Variants in TRRAP observed in about 807,000 individuals in gnomAD.
TRRAP encodes transformation/transcription domain associated protein.
TRRAP carries 41 observed loss-of-function variants against 438.8 expected under a neutral mutation model. The observed-to-expected ratio is 0.09, with a 90% CI of 0.07 to 0.12. The LOEUF is 0.12. Among genes scored for constraint, TRRAP ranks in the 10% least tolerant of loss-of-function variants. TRRAP has a pLI of 1.00. For missense variants in TRRAP, 3,122 were observed against 5,055.1 expected (o/e 0.62, Z 11.60); for synonymous variants, 1,994 against 1,962.9 (o/e 1.02, Z -0.42).
chr7:98,882,645 G>A (rs912410477), intron 3 of TRRAP, among the ~76,000 whole-genome samples: 11 of 151,420 alleles, frequency 7.3e-5, no homozygotes, highest in African/African-American at 2.4e-4. Context: ...TTACAGGCGT[G>A]AGCCACCTCA....
chr7:98,958,129 G>A (rs535584418), intron 44 of TRRAP, 38 bp downstream of exon 44: 1 of 1,571,394 alleles, frequency 6.4e-7, no homozygotes, highest in African/African-American at 1.4e-5. Flanking sequence ...GGCTTCTGCA[G>A]ACCAGAGGCT....
At chr7:98,918,110 G>C (rs1789599628) in intron 20 of TRRAP, among the ~76,000 whole-genome samples, 1 of 138,360 alleles carries the variant, frequency 7.2e-6, no homozygotes, top group African/African-American at 3.1e-5. Context: ...GACAAAATCA[G>C]ACCCTGTCTC....
intron 31 of TRRAP, among the ~76,000 whole-genome samples, chr7:98,944,010 G>A (rs1554416251): frequency 6.6e-6 from 1 of 152,152 alleles, no homozygotes; most frequent in Non-Finnish European, 1.5e-5. Context: ...AGCCAAGTAA[G>A]CAAAACTAAA....
chr7:98,934,624 G>A (rs1437351358), intron 27 of TRRAP, among the ~76,000 whole-genome samples: 1 of 152,192 alleles, frequency 6.6e-6, no homozygotes, highest in Non-Finnish European at 1.5e-5. Flanking sequence ...GAAAAGCATG[G>A]ACTCGAGTCC....
intron 25 of TRRAP, among the ~76,000 whole-genome samples, 164 bp from the exon 26 acceptor site, chr7:98,931,241 G>A (rs1325019909): frequency 1.3e-5 from 2 of 152,194 alleles, no homozygotes; most frequent in African/African-American, 2.4e-5. Flanking sequence ...GTGACTTAGG[G>A]ACTAAAGCAC....
At chr7:98,940,797 G>C (rs1790764396) in intron 30 of TRRAP, among the ~76,000 whole-genome samples, 1 of 152,192 alleles carries the variant, frequency 6.6e-6, no homozygotes, top group Non-Finnish European at 1.5e-5. Context: ...CCTGCCTGCT[G>C]TGCTCTGCCA....
intron 58 of TRRAP, among the ~76,000 whole-genome samples, chr7:98,979,651 C>T (rs948199464): frequency 1.3e-5 from 2 of 152,154 alleles, no homozygotes; most frequent in South Asian, 2.1e-4. Context: ...CTCACCTTAA[C>T]GTTCCCTTCT....
intron 67 of TRRAP, among the ~76,000 whole-genome samples, chr7:99,003,943 G>A (rs1290287592): frequency 6.6e-6 from 1 of 152,024 alleles, no homozygotes; most frequent in Non-Finnish European, 1.5e-5. Flanking sequence ...CCTGGTGGCG[G>A]GTGCCTGTAA....
At position 98,981,895 on chromosome 7, in the gene TRRAP, C is replaced by G. The variant is rs771571020; in HGVS notation, c.8761C>G (p.Leu2921Val). The G allele has an allele frequency of 2.5e-6, 4 of 1,610,128 alleles. No individual in the cohort carries two copies. Among genetic ancestry groups the G allele is most frequent in the Non-Finnish European group, 3.4e-6 (4 of 1,179,042 alleles). Reference sequence around the variant, plus strand: ...GCGCCTGGTGGAGATGGCCAGCAGCCTGGCCATCCGCGAGTGGCGGCGGCT... The same window carrying G: ...GCGCCTGGTGGAGATGGCCAGCAGCGTGGCCATCCGCGAGTGGCGGCGGCT... ...IERLVEMASS[L>V]AIREWRRLPH... Residue 2921 changes from leucine (L) to valine (V), a missense_variant, in exon 59 of 73, where the codon CTG becomes GTG. Physicochemically the swap from Leu to Val is conservative, Grantham distance 32 (BLOSUM62 1). Coordinates refer to ENST00000456197, the MANE Select transcript of TRRAP (RefSeq NM_001375524.1).
chr7:98,909,528 C>T (rs1432871806), intron 14 of TRRAP, among the ~76,000 whole-genome samples: 1 of 152,206 alleles, frequency 6.6e-6, no homozygotes, highest in Non-Finnish European at 1.5e-5. Flanking sequence ...AAGCTCTTAG[C>T]ACACTTCCTG....
At chr7:98,892,644 C>G in intron 5 of TRRAP, 116 bp downstream of exon 5, 1 of 858,910 alleles carries the variant, frequency 1.2e-6, no homozygotes, top group Non-Finnish European at 1.7e-6. Context: ...AATTCCAAGT[C>G]ACATGAGTAA....
At position 98,962,422 on chromosome 7, in the gene TRRAP, T is replaced by A; in HGVS notation, c.6824T>A (p.Leu2275His). The change falls in exon 47 of 73, where the codon CTC becomes CAC. Residue 2275 changes from leucine (L) to histidine (H), a missense_variant. Physicochemically the swap from Leu to His is moderately conservative, Grantham distance 99 (BLOSUM62 -3). This residue lies in a region of TRRAP where 992 missense variants were observed against 1,281.2 expected (regional missense o/e 0.77). Coordinates refer to ENST00000456197, the MANE Select transcript of TRRAP (RefSeq NM_001375524.1). Reference sequence around the variant, plus strand: ...GCCACCAATGCCAATCCCTCCCAGCTCTTCGGTGAGTGTGTGTCTGTCCTG... The same window carrying A: ...GCCACCAATGCCAATCCCTCCCAGCACTTCGGTGAGTGTGTGTCTGTCCTG... Reference protein sequence around the residue: ...EKATNANPSQLFGTLMILKSA... With the variant: ...EKATNANPSQHFGTLMILKSA... 2 of 1,614,210 alleles carry A rather than the reference T, an allele frequency of 1.2e-6. No individual in the cohort carries two copies. The highest frequency in any genetic ancestry group is 1.1e-5 in the South Asian group (1 of 91,086).
chr7:98,946,494 GCACACACACCACA>G (rs1791069033), intron 33 of TRRAP, among the ~76,000 whole-genome samples: 1 of 149,262 alleles, frequency 6.7e-6, no homozygotes, highest in Admixed American at 6.7e-5. Context: ...CACCACACAT[GCACACACACCACA>G]CATGCACACA....
intron 67 of TRRAP, chr7:98,999,217 T>G: frequency 7.6e-7 from 1 of 1,320,972 alleles, no homozygotes. Flanking sequence ...GTACACAGGC[T>G]TCACTCCAAG....
intron 23 of TRRAP, among the ~76,000 whole-genome samples, chr7:98,928,285 A>T (rs916420417): frequency 4.6e-5 from 7 of 152,106 alleles, no homozygotes; most frequent in Admixed American, 1.3e-4. Flanking sequence ...GCCAGTTGCT[A>T]CATAAGTTTC....
chr7:98,892,401 A>C (rs1554405057), intron 4 of TRRAP, 23 bp from the exon 5 acceptor site: 2 of 1,578,702 alleles, frequency 1.3e-6, no homozygotes, highest in Admixed American at 3.4e-5. Flanking sequence ...TTATCCTTAC[A>C]TTTATTTATT....
At chr7:98,940,258 G>A (rs751031408) in intron 30 of TRRAP, among the ~76,000 whole-genome samples, 14 of 151,766 alleles carry the variant, frequency 9.2e-5, no homozygotes, top group African/African-American at 3.4e-4. Context: ...GCGCGATCTC[G>A]GCTCACTGGA....
At chr7:98,979,851 A>T (rs1792832238) in intron 58 of TRRAP, among the ~76,000 whole-genome samples, 1 of 152,234 alleles carries the variant, frequency 6.6e-6, no homozygotes, top group Admixed American at 6.5e-5. Context: ...AATTTCAAAT[A>T]GTCTTGAAAA....
Position 99,008,456 on chromosome 7 carries a change from C to T in TRRAP, c.10833C>T (p.Tyr3611=), listed in dbSNP as rs1345031977. 1.2e-6 allele frequency: 2 copies of T among 1,614,072 alleles called. No individual in the cohort carries two copies. The highest frequency in any genetic ancestry group is 2.2e-5 in the East Asian group (1 of 44,878). Residue 3611 remains tyrosine, a synonymous_variant, in exon 70 of 73, where the codon TAC becomes TAT. Coordinates refer to ENST00000456197, the MANE Select transcript of TRRAP (RefSeq NM_001375524.1). ...CTTCACTTTCCCTTGTGGAGATCTA[C>T]AAGCAGCGCTGCGCCAAGAAGGGCA... The part of the protein sequence containing the change: ...NPSSLSLVEI[Y]KQRCAKKGIE...
Sources: gnomAD v4.1 joint callset for allele counts (sites outside exome capture counted in the v4.1 genomes callset) on GRCh38, gnomAD v4.1.1 for gene constraint, gnomAD v4.1.1 regional missense constraint, MANE v1.5 for transcripts, NCBI Gene and HGNC (gene_info 2026-07-23, HGNC 2026-07-21) for gene names.